The following ERBB4 variants were observed in gnomAD, a reference collection of about 807,000 sequenced individuals.
ERBB4 encodes erb-b2 receptor tyrosine kinase 4, also known as receptor tyrosine-protein kinase erbB-4.
A neutral mutation model predicts 158.0 loss-of-function variants in ERBB4; 42 were observed. The observed-to-expected ratio is 0.27, with a 90% CI of 0.21 to 0.34. ERBB4 has a LOEUF of 0.34. ERBB4 is among the 10% of genes least tolerant of loss of function. The probability of loss-of-function intolerance (pLI) is 1.00; values close to 1 mark genes in which losing one functional copy is unlikely to be tolerated. For missense variants in ERBB4, 1,333 were observed against 1,624.1 expected, an observed-to-expected ratio of 0.82 and a Z score of 3.08; for synonymous variants, 583 against 558.7, an observed-to-expected ratio of 1.04 and a Z score of -0.61.
At chr2:212,200,121 C>G (rs1461849698) in intron 1 of ERBB4, among the ~76,000 whole-genome samples, 1 of 152,138 alleles carries the variant, frequency 6.6e-6, no homozygotes, top group Non-Finnish European at 1.5e-5. Flanking sequence ...TCTCACAAAT[C>G]AGTAATGGTC....
chr2:211,618,508 C>T (rs1333196999), intron 19 of ERBB4, among the ~76,000 whole-genome samples: 1 of 151,832 alleles, frequency 6.6e-6, no homozygotes, highest in Non-Finnish European at 1.5e-5. Context: ...TATAATCCAG[C>T]CTTATAAAAA....
rs993345406 is a variant in ERBB4, at chr2:212,427,224, A to G, written c.82+111225T>C. On this transcript the variant is annotated intron_variant, in intron 1 of 27. Transcript: ENST00000342788. ...TTGGCTCACTATCATTACTATGCAA[A>G]TAGAAGAAAGCAGTTAATGGTCCAT... 5.5e-4 allele frequency among the ~76,000 whole-genome samples: 83 copies of G among 152,164 alleles called. 1 individual carries two copies. The highest frequency in any genetic ancestry group is 1.8e-3 in the African/African-American group (75 of 41,460).
In ERBB4 at chr2:212,274,858, G is replaced by A. The variant is rs2085469893; in HGVS notation, c.83-149955C>T. Among the ~76,000 whole-genome samples, 3 of 151,796 alleles carry A rather than the reference G, an allele frequency of 2.0e-5. No individual in the cohort carries two copies. In the South Asian group the frequency reaches 6.2e-4, roughly 32 times the overall value. On this transcript the variant is annotated intron_variant, in intron 1 of 27. Coordinates refer to ENST00000342788, the MANE Select transcript of ERBB4 (RefSeq NM_005235.3). Reference sequence around the variant, plus strand: ...TACATAGGTATACACGTGTCATGGTGGTTTGCTGCACCCATCAACCCGTCA... The same window carrying A: ...TACATAGGTATACACGTGTCATGGTAGTTTGCTGCACCCATCAACCCGTCA...
At chr2:211,662,363 A>T (rs955474747) in intron 15 of ERBB4, among the ~76,000 whole-genome samples, 2 of 152,148 alleles carry the variant, frequency 1.3e-5, no homozygotes, top group Non-Finnish European at 2.9e-5. Flanking sequence ...GCTAATTTCA[A>T]ATCTGAACAT....
intron 2 of ERBB4, among the ~76,000 whole-genome samples, chr2:211,952,648 TGTGCTTACTAGCTTTG>T (rs1275758793): frequency 6.6e-6 from 1 of 152,110 alleles, no homozygotes; most frequent in Non-Finnish European, 1.5e-5. Context: ...ACCTAGCCTT[TGTGCTTACTAGCTTTG>T]TGGCTTTCAT....
chr2:212,037,230 A>C (rs968931707), intron 2 of ERBB4, among the ~76,000 whole-genome samples: 11 of 152,178 alleles, frequency 7.2e-5, no homozygotes, highest in Admixed American at 7.2e-4. Flanking sequence ...AAAGTGTAGA[A>C]GGGGAAGTTG....
At chr2:212,473,720 T>C (rs80350314) in intron 1 of ERBB4, among the ~76,000 whole-genome samples, 3,154 of 152,192 alleles carry the variant, frequency 0.021, 96 homozygotes, top group South Asian at 0.057. Flanking sequence ...TTTTGGTATA[T>C]GGATAAAACT....
At chr2:211,794,674 A>T (rs2076345432) in intron 3 of ERBB4, among the ~76,000 whole-genome samples, 1 of 151,886 alleles carries the variant, frequency 6.6e-6, no homozygotes, top group African/African-American at 2.4e-5. Context: ...TTCTGTCCTA[A>T]TATTAAGAAA....
intron 3 of ERBB4, among the ~76,000 whole-genome samples, chr2:211,836,979 G>T (rs2105987277): frequency 6.6e-6 from 1 of 151,966 alleles, no homozygotes; most frequent in East Asian, 1.9e-4. Context: ...CTCTAAAAAA[G>T]GAAACCAGTT....
chr2:212,315,680 T>C (rs2087241758), intron 1 of ERBB4, among the ~76,000 whole-genome samples: 1 of 151,404 alleles, frequency 6.6e-6, no homozygotes, highest in Non-Finnish European at 1.5e-5. Context: ...GTTTTTTACA[T>C]GGTCTGTGTC....
At chr2:211,541,604 C>A (rs1477766033) in intron 20 of ERBB4, among the ~76,000 whole-genome samples, 1 of 151,986 alleles carries the variant, frequency 6.6e-6, no homozygotes, top group Admixed American at 6.6e-5. Context: ...CCTTTTATTT[C>A]TCCATAATAC....
chr2:211,713,576 C>A lies in ERBB4; in HGVS notation c.956G>T (p.Gly319Val). 6.2e-7 allele frequency: 1 copy of A among 1,612,388 alleles called. No homozygotes were observed. The highest frequency in any genetic ancestry group is 2.2e-5 in the East Asian group (1 of 44,840). The change falls in exon 8 of 28, where the codon GGG becomes GTG. Residue 319 changes from glycine (G) to valine (V), a missense_variant. By Grantham distance (109) the Gly-to-Val change is moderately radical. Transcript: ENST00000342788. The stretch of plus-strand genomic sequence containing the variant: ...AGTGCAAGGTTTACACATTTTAATC[C>A]CATTTTCTTCTACTTCCATCTTGGA... ...PSSKMEVEEN[G>V]IKMCKPCTDI...
intron 6 of ERBB4, among the ~76,000 whole-genome samples, chr2:211,724,609 T>A (rs1254277080): frequency 6.6e-6 from 1 of 152,140 alleles, no homozygotes; most frequent in African/African-American, 2.4e-5. Flanking sequence ...CCTAACAAAC[T>A]ATTTATAAAT....
At chr2:211,772,090 T>G (rs1441422938) in intron 4 of ERBB4, among the ~76,000 whole-genome samples, 1 of 152,212 alleles carries the variant, frequency 6.6e-6, no homozygotes, top group East Asian at 1.9e-4. Flanking sequence ...GTAATTGAGT[T>G]TACTTACATC....
intron 1 of ERBB4, among the ~76,000 whole-genome samples, chr2:212,191,815 T>C (rs544254760): frequency 2.0e-4 from 27 of 137,256 alleles, no homozygotes; most frequent in African/African-American, 7.1e-4. Context: ...ATAATACATG[T>C]TATATATGTT....
At chr2:211,741,976 T>C (rs531222685) in intron 5 of ERBB4, among the ~76,000 whole-genome samples, 148 of 152,318 alleles carry the variant, frequency 9.7e-4, no homozygotes, top group African/African-American at 3.4e-3. Context: ...CTCATTGTAA[T>C]GTTTACTTTA....
At chr2:211,808,967 A>G (rs1413659263) in intron 3 of ERBB4, among the ~76,000 whole-genome samples, 1 of 152,154 alleles carries the variant, frequency 6.6e-6, no homozygotes, top group East Asian at 1.9e-4. Context: ...TGATATTTGC[A>G]CATTGATTTT....
At chr2:211,787,924 A>G in intron 4 of ERBB4, 101 bp downstream of exon 4, 1 of 1,204,194 alleles carries the variant, frequency 8.3e-7, no homozygotes, top group Non-Finnish European at 1.2e-6. Context: ...AATGAATGCA[A>G]TCAAAGTTCA....
chr2:211,830,500 A>G (rs2077196557), intron 3 of ERBB4, among the ~76,000 whole-genome samples: 1 of 152,068 alleles, frequency 6.6e-6, no homozygotes, highest in Admixed American at 6.6e-5. Context: ...TTAGCCTTTA[A>G]TTTGTTTATT....
Sources: allele counts gnomAD v4.1 joint callset (sites outside exome capture counted in the v4.1 genomes callset), GRCh38; gene constraint gnomAD v4.1.1; transcripts MANE v1.5; gene names NCBI Gene and HGNC (gene_info 2026-07-23, HGNC 2026-07-21).